Variants in ALMS1 observed in about 807,000 individuals in gnomAD.
ALMS1 encodes centrosome-associated protein ALMS1.
In ALMS1, 271 loss-of-function variants were observed where a neutral mutation model predicts 352.2. The observed-to-expected ratio is 0.77, with a 90% CI of 0.70 to 0.85. The LOEUF (loss-of-function observed/expected upper bound fraction) is 0.85. Among genes scored for constraint, ALMS1 ranks in the 40% least tolerant of loss-of-function variants. The probability of loss-of-function intolerance (pLI) is 0.00; values close to 1 mark genes in which losing one functional copy is unlikely to be tolerated. For synonymous variants in ALMS1, 1,865 were observed against 1,761.2 expected (o/e 1.06, Z -1.48); for missense variants, 5,445 against 4,870.7 (o/e 1.12, Z -3.51).
chr2:73,500,767 C>A (rs1673202353), intron 10 of ALMS1, among the ~76,000 whole-genome samples: 1 of 152,138 alleles, frequency 6.6e-6, no homozygotes, highest in African/African-American at 2.4e-5. Context: ...AAAATGATGG[C>A]AAACTCATTA....
chr2:73,423,403 C>T (rs1671319889), intron 4 of ALMS1, among the ~76,000 whole-genome samples: 1 of 152,112 alleles, frequency 6.6e-6, no homozygotes, highest in Admixed American at 6.6e-5. Flanking sequence ...GTTAGCTCTC[C>T]TTACCTTATA....
chr2:73,424,537 G>C lies in ALMS1; in HGVS notation c.872G>C (p.Ser291Thr), dbSNP rs568470985. 1.5e-5 allele frequency: 24 copies of C among 1,612,178 alleles called. No homozygotes were observed. The highest frequency in any genetic ancestry group is 2.0e-5 in the Non-Finnish European group (24 of 1,179,052). ...TAEVASDLASSRFSVSQHPLI... is the reference protein window; with the variant it reads ...TAEVASDLASTRFSVSQHPLI... ...GAAGTAGCTTCAGACTTAGCAAGCA[G>C]TCGCTTTAGTGTATCTCAGCACCCG... The change falls in exon 5 of 23, where the codon AGT becomes ACT. Residue 291 changes from serine to threonine, a missense_variant. Ser to Thr is a moderately conservative substitution (Grantham distance 58). Coordinates refer to ENST00000613296, the MANE Select transcript of ALMS1 (RefSeq NM_001378454.1).
chr2:73,550,455 G>A lies in ALMS1; in HGVS notation c.10078+18G>A. The A allele has an allele frequency of 6.2e-7, 1 of 1,613,748 alleles. No homozygotes were observed. Among genetic ancestry groups the A allele is most frequent in the East Asian group, 2.2e-5 (1 of 44,862 alleles). On this transcript the variant is annotated intron_variant, in intron 13 of 22. Coordinates refer to ENST00000613296, the MANE Select transcript of ALMS1 (RefSeq NM_001378454.1). ...AAATGCAGGTAACTGGATTGGCTTT[G>A]TATACTTTGTAGCTTTTTCTCCCCT...
chr2:73,465,745 A>G (rs1672324771), intron 9 of ALMS1, among the ~76,000 whole-genome samples: 1 of 151,890 alleles, frequency 6.6e-6, no homozygotes, highest in African/African-American at 2.4e-5. Context: ...CTCATCTGAC[A>G]AAGGGCTAAT....
At chr2:73,552,990 G>A (rs1298200955) in intron 13 of ALMS1, among the ~76,000 whole-genome samples, 4 of 152,090 alleles carry the variant, frequency 2.6e-5, no homozygotes, top group African/African-American at 9.7e-5. Context: ...AGGCAAAAAA[G>A]AAAGAACCAA....
At chr2:73,539,269 A>T (rs963252652) in intron 12 of ALMS1, among the ~76,000 whole-genome samples, 1 of 152,216 alleles carries the variant, frequency 6.6e-6, no homozygotes, top group Non-Finnish European at 1.5e-5. Context: ...TACCCAGGCA[A>T]ATAGGGTCTG....
chr2:73,425,274 CAGAA>C (rs1363071323), intron 5 of ALMS1, among the ~76,000 whole-genome samples: 12 of 152,128 alleles, frequency 7.9e-5, no homozygotes, highest in African/African-American at 2.9e-4. Flanking sequence ...AGAAGGTTTA[CAGAA>C]AGAATCATCT....
chr2:73,580,774 C>A (rs1255299985), intron 16 of ALMS1, among the ~76,000 whole-genome samples: 1 of 152,128 alleles, frequency 6.6e-6, no homozygotes, highest in Non-Finnish European at 1.5e-5. Context: ...AGTGACTTTT[C>A]TAAATTATGT....
Position 73,448,112 on chromosome 2 carries a change from A to G in ALMS1, c.1585A>G (p.Thr529Ala). The G allele has an allele frequency of 3.7e-6, 6 of 1,613,944 alleles. No individual in the cohort carries two copies. The highest frequency in any genetic ancestry group is 5.1e-6 in the Non-Finnish European group (6 of 1,179,858). The change falls in exon 8 of 23, where the codon ACT becomes GCT. Residue 529 changes from threonine to alanine, a missense_variant. Transcript: ENST00000613296. Reference sequence around the variant, plus strand: ...GGCTGTAAGTTCTCCTCTAGAAACTACTACTGGTCAACACACTGATACTCT... The same window carrying G: ...GGCTGTAAGTTCTCCTCTAGAAACTGCTACTGGTCAACACACTGATACTCT... ...QLAVSSPLETTTGQHTDTLNQ... is the reference protein window; with the variant it reads ...QLAVSSPLETATGQHTDTLNQ...
chr2:73,488,217 T>C (rs1372429525), intron 9 of ALMS1, among the ~76,000 whole-genome samples: 2 of 152,198 alleles, frequency 1.3e-5, no homozygotes, highest in Non-Finnish European at 2.9e-5. Flanking sequence ...AGGCCCACTC[T>C]GAGCTGCCCT....
chr2:73,386,284 C>T (rs1326809429), intron 1 of ALMS1, 92 bp downstream of exon 1: 2 of 1,408,768 alleles, frequency 1.4e-6, no homozygotes, highest in Non-Finnish European at 1.8e-6. Context: ...GTCACGCCGC[C>T]TGACGGAGAA....
chr2:73,473,081 C>G (rs1264788205), intron 9 of ALMS1, among the ~76,000 whole-genome samples: 5 of 151,992 alleles, frequency 3.3e-5, no homozygotes, highest in Non-Finnish European at 1.5e-5. Context: ...ACGTACATGC[C>G]TAGGATTGGA....
rs148868205 is a variant in ALMS1 at position 73,425,566 on chromosome 2, C to T, written c.1237+664C>T. On this transcript the variant is annotated intron_variant, in intron 5 of 22. Transcript: ENST00000613296. ...CTTTTTGGTGAGAAAAATATTGATG[C>T]TGCTGAAAATATAGCCTTTGAGGCA... 7.8e-3 allele frequency among the ~76,000 whole-genome samples: 1,190 copies of T among 152,214 alleles called. 19 individuals carry two copies. Among genetic ancestry groups the T allele is most frequent in the African/African-American group, 0.027 (1,124 of 41,542 alleles).
Position 73,408,648 on chromosome 2 carries a change from G to A in ALMS1, c.351G>A (p.Trp117Ter). ...EKIVPLTCHV[W>*]QQIVYQGNSR... ...TTGTTCCATTGACCTGTCATGTATG[G>A]CAACAGATAGTATATCAAGGCAATA... The change falls in exon 2 of 23, where the codon TGG (tryptophan) becomes TGA (stop). Residue 117 changes from tryptophan to a stop codon, truncating the protein, a stop_gained. Transcript: ENST00000613296. LOFTEE classifies it high-confidence loss of function. The A allele has an allele frequency of 1.2e-6, 2 of 1,613,218 alleles. No individual in the cohort carries two copies. Among genetic ancestry groups the A allele is most frequent in the South Asian group, 1.1e-5 (1 of 91,066 alleles).
At chr2:73,599,308 G>T in intron 16 of ALMS1, 93 bp from the exon 17 acceptor site, 2 of 1,515,444 alleles carry the variant, frequency 1.3e-6, no homozygotes, top group Non-Finnish European at 1.8e-6. Context: ...GTTTGAATTG[G>T]ATTAGAAAGA....
chr2:73,525,958 A>T (rs1673782038), intron 11 of ALMS1, among the ~76,000 whole-genome samples: 1 of 152,130 alleles, frequency 6.6e-6, no homozygotes, highest in Non-Finnish European at 1.5e-5. Flanking sequence ...TCTGTATATG[A>T]TGAAAGATAG....
intron 10 of ALMS1, among the ~76,000 whole-genome samples, chr2:73,491,742 T>C (rs948139079): frequency 6.6e-6 from 1 of 152,194 alleles, no homozygotes; most frequent in African/African-American, 2.4e-5. Context: ...TTTTTAAAAA[T>C]TGAATGACCT....
In ALMS1 at chr2:73,489,955, A is replaced by G. The variant is rs1308393126; in HGVS notation, c.7996A>G (p.Lys2666Glu). Reference sequence around the variant, plus strand: ...TATACCTGATGAATTCAAAATCAGCAAAGGTCTTCGAATGCCATTCGATGA... The same window carrying G: ...TATACCTGATGAATTCAAAATCAGCGAAGGTCTTCGAATGCCATTCGATGA... ...NFIPDEFKIS[K>E]GLRMPFDEKM... is the part of the protein sequence containing the mutation. The change falls in exon 10 of 23, where the codon AAA (lysine) becomes GAA (glutamate). Residue 2666 changes from lysine to glutamate, a missense_variant. Physicochemically the swap from Lys to Glu is moderately conservative, Grantham distance 56. Coordinates refer to ENST00000613296, the MANE Select transcript of ALMS1 (RefSeq NM_001378454.1). The G allele has an allele frequency of 6.2e-7, 1 of 1,614,244 alleles. No individual in the cohort carries two copies. The highest frequency in any genetic ancestry group is 1.1e-5 in the South Asian group (1 of 91,086).
At chr2:73,481,816 G>A (rs370953776) in intron 9 of ALMS1, among the ~76,000 whole-genome samples, 7 of 151,330 alleles carry the variant, frequency 4.6e-5, no homozygotes, top group East Asian at 3.9e-4. Context: ...TGGATTCCTA[G>A]GTATTTTATT....
Sources: allele counts gnomAD v4.1 joint callset (sites outside exome capture counted in the v4.1 genomes callset), GRCh38; gene constraint gnomAD v4.1.1; transcripts MANE v1.5; gene names NCBI Gene and HGNC (gene_info 2026-07-23, HGNC 2026-07-21).